SNX3: variants seen among roughly 807,000 people sequenced by gnomAD.
SNX3 encodes sorting nexin-3.
A neutral mutation model predicts 17.7 loss-of-function variants in SNX3; 5 were observed. The ratio of observed to expected loss-of-function variants is 0.28; its 90% CI spans 0.15 to 0.59. The LOEUF is 0.59. Ranked by LOEUF, SNX3 falls within the 20% of genes least tolerant of loss-of-function variation. The probability of loss-of-function intolerance (pLI) is 0.88; values close to 1 mark genes in which losing one functional copy is unlikely to be tolerated. For missense variants in SNX3, 132 were observed against 206.8 expected, an observed-to-expected ratio of 0.64 and a Z score of 2.22; for synonymous variants, 91 against 76.5, an observed-to-expected ratio of 1.19 and a Z score of -0.99.
At chr6:108,245,797 T>C (rs749956559) in intron 1 of SNX3, among the ~76,000 whole-genome samples, 2 of 152,210 alleles carry the variant, frequency 1.3e-5, no homozygotes, top group African/African-American at 2.4e-5. Flanking sequence ...TTTGAAGGGA[T>C]TGTTTTTTTC....
In SNX3 at chr6:108,211,502, A is replaced by G; in HGVS notation, c.*647T>C. ...ATAGAGAGCAAAAAAAGCTGGAGGC[A>G]ACACAATCAGTGCATATCAGAAATG... On this transcript the variant is annotated 3_prime_UTR_variant, in exon 4 of 4. Coordinates refer to ENST00000230085, the MANE Select transcript of SNX3 (RefSeq NM_003795.6). The G allele has an allele frequency of 6.6e-6, 1 of 152,604 alleles. No individual in the cohort carries two copies. Among genetic ancestry groups the G allele is most frequent in the East Asian group, 1.9e-4 (1 of 5,200 alleles). 9.5% of individuals were successfully genotyped at this position (152,604 alleles called of 1,614,324 possible). A position where few individuals can be genotyped will look rare whatever the true frequency, so the allele number is the denominator to read the frequency against.
chr6:108,249,626 G>C (rs1775790449), intron 1 of SNX3, among the ~76,000 whole-genome samples: 1 of 152,020 alleles, frequency 6.6e-6, no homozygotes, highest in African/African-American at 2.4e-5. Flanking sequence ...GTATTCAAAG[G>C]AGTTTACATA....
At chr6:108,243,624 G>A (rs1186367484) in intron 1 of SNX3, among the ~76,000 whole-genome samples, 4 of 152,118 alleles carry the variant, frequency 2.6e-5, no homozygotes, top group African/African-American at 4.8e-5. Context: ...AATGATACCA[G>A]ATAGTAAATG....
intron 1 of SNX3, among the ~76,000 whole-genome samples, chr6:108,228,839 CA>C (rs1002255414): frequency 2.4e-4 from 37 of 151,862 alleles, no homozygotes; most frequent in African/African-American, 6.0e-4. Flanking sequence ...GTAATAGACA[CA>C]AAAAAAAACC....
At chr6:108,258,889 T>C (rs1177182225) in intron 1 of SNX3, among the ~76,000 whole-genome samples, 2 of 152,126 alleles carry the variant, frequency 1.3e-5, no homozygotes, top group Non-Finnish European at 2.9e-5. Flanking sequence ...TAAATTATTA[T>C]ACTAGAACCC....
chr6:108,247,546 AAAAC>A (rs1217091629), intron 1 of SNX3, among the ~76,000 whole-genome samples: 1 of 151,662 alleles, frequency 6.6e-6, no homozygotes, highest in Non-Finnish European at 1.5e-5. Context: ...TAAAAAACAA[AAAAC>A]AAACAAAAAA....
chr6:108,220,960 C>A (rs1350307809), intron 2 of SNX3, among the ~76,000 whole-genome samples: 2 of 151,290 alleles, frequency 1.3e-5, no homozygotes, highest in Non-Finnish European at 2.9e-5. Flanking sequence ...CAGAGTGAGG[C>A]TCAGTCTCAA....
At chr6:108,248,115 G>A (rs1194783016) in intron 1 of SNX3, among the ~76,000 whole-genome samples, 1 of 152,130 alleles carries the variant, frequency 6.6e-6, no homozygotes. Flanking sequence ...AAGCACAAAA[G>A]AGACAGGTGC....
At chr6:108,214,188 T>C (rs1371479192) in intron 3 of SNX3, among the ~76,000 whole-genome samples, 6 of 152,210 alleles carry the variant, frequency 3.9e-5, no homozygotes, top group African/African-American at 1.4e-4. Flanking sequence ...GAACATACCT[T>C]AAATCAGAAA....
chr6:108,259,116 A>G (rs977211731), intron 1 of SNX3, among the ~76,000 whole-genome samples: 1 of 152,258 alleles, frequency 6.6e-6, no homozygotes, highest in African/African-American at 2.4e-5. Context: ...GTCATGTATT[A>G]CAGACAATTA....
At chr6:108,240,417 C>CCT (rs1342927692) in intron 1 of SNX3, among the ~76,000 whole-genome samples, 1 of 152,172 alleles carries the variant, frequency 6.6e-6, no homozygotes, top group African/African-American at 2.4e-5. Context: ...TGGAGTTTCA[C>CCT]CATGTTAGCA....
chr6:108,222,793 A>G (rs540461021), intron 2 of SNX3, among the ~76,000 whole-genome samples, 157 bp downstream of exon 2: 11 of 152,344 alleles, frequency 7.2e-5, no homozygotes, highest in African/African-American at 2.6e-4. Flanking sequence ...AGGAAAATTT[A>G]CACAGACTCT....
intron 1 of SNX3, among the ~76,000 whole-genome samples, chr6:108,257,242 G>A (rs1776057210): frequency 6.6e-6 from 1 of 152,218 alleles, no homozygotes; most frequent in Admixed American, 6.5e-5. Flanking sequence ...TGCAGGGCTG[G>A]GTGAGGTGGC....
intron 1 of SNX3, among the ~76,000 whole-genome samples, chr6:108,244,051 A>T (rs1411155836): frequency 1.3e-5 from 2 of 152,202 alleles, no homozygotes; most frequent in African/African-American, 2.4e-5. Flanking sequence ...ACAATAGATG[A>T]CTAAGAACTG....
intron 2 of SNX3, among the ~76,000 whole-genome samples, chr6:108,219,078 G>A (rs1245260810): frequency 6.6e-5 from 10 of 152,198 alleles, no homozygotes; most frequent in African/African-American, 7.2e-5. Flanking sequence ...GCGGTCGGGC[G>A]GGGTGGCTCA....
intron 1 of SNX3, among the ~76,000 whole-genome samples, chr6:108,257,451 T>C (rs1243612448): frequency 6.6e-6 from 1 of 152,104 alleles, no homozygotes; most frequent in Admixed American, 6.6e-5. Context: ...AGTTTGAGAA[T>C]GCAGTGAGCC....
chr6:108,232,184 C>A lies in SNX3; in HGVS notation c.163-9139G>T, dbSNP rs532602583. Among the ~76,000 whole-genome samples the A allele has an allele frequency of 3.3e-5, 5 of 152,074 alleles. No homozygotes were observed. In the South Asian group the frequency reaches 1.0e-3, roughly 32 times the overall value. Reference sequence around the variant, plus strand: ...TCTATTTGTTCTAATATACCAGGAACAAAACTGCAAAGCAATAAAATGTTA... The same window carrying A: ...TCTATTTGTTCTAATATACCAGGAAAAAAACTGCAAAGCAATAAAATGTTA... On this transcript the variant is annotated intron_variant, in intron 1 of 3. Coordinates refer to ENST00000230085, the MANE Select transcript of SNX3 (RefSeq NM_003795.6).
intron 1 of SNX3, among the ~76,000 whole-genome samples, chr6:108,237,314 G>C (rs935025055): frequency 6.6e-6 from 1 of 152,130 alleles, no homozygotes; most frequent in African/African-American, 2.4e-5. Context: ...CTGAGTTGCA[G>C]AGTTTGTAAG....
intron 2 of SNX3, among the ~76,000 whole-genome samples, chr6:108,216,193 C>A (rs1351658077): frequency 6.6e-6 from 1 of 152,124 alleles, no homozygotes; most frequent in African/African-American, 2.4e-5. Flanking sequence ...CTGCATCAGC[C>A]TCCCAAATAG....
Sources: allele counts gnomAD v4.1 joint callset (sites outside exome capture counted in the v4.1 genomes callset), GRCh38; gene constraint gnomAD v4.1.1; transcripts MANE v1.5; gene names NCBI Gene and HGNC (gene_info 2026-07-23, HGNC 2026-07-21).